The following CAMLG variants were observed in gnomAD, a reference collection of about 807,000 sequenced individuals.
The protein encoded by CAMLG is guided entry of tail-anchored proteins factor CAMLG.
A neutral mutation model predicts 28.9 loss-of-function variants in CAMLG; 23 were observed. The observed-to-expected ratio is 0.80, with a 90% CI of 0.57 to 1.13. The LOEUF is 1.13. Among genes scored for constraint, CAMLG ranks in the 50% most tolerant of loss-of-function variants. The pLI is 0.00. For missense variants in CAMLG, 367 were observed against 371.9 expected, an observed-to-expected ratio of 0.99 and a Z score of 0.11; for synonymous variants, 141 against 146.5, an observed-to-expected ratio of 0.96 and a Z score of 0.27.
intron 3 of CAMLG, among the ~76,000 whole-genome samples, chr5:134,745,281 C>G (rs1053771550): frequency 6.6e-6 from 1 of 150,806 alleles, no homozygotes; most frequent in African/African-American, 2.4e-5. Flanking sequence ...ACTAAAAATA[C>G]AAAAGTTAGC....
At chr5:134,744,547 G>C (rs1038129486) in intron 3 of CAMLG, among the ~76,000 whole-genome samples, 16 of 141,044 alleles carry the variant, frequency 1.1e-4, no homozygotes, top group Admixed American at 1.0e-3. Flanking sequence ...AAAAAAAAAA[G>C]AGTAATTAGA....
intron 1 of CAMLG, 59 bp from the exon 2 acceptor site, chr5:134,741,004 A>G: frequency 1.8e-6 from 2 of 1,123,102 alleles, no homozygotes; most frequent in Non-Finnish European, 2.7e-6. Flanking sequence ...AAACATAAAC[A>G]TGTAAGGTGT....
intron 2 of CAMLG, among the ~76,000 whole-genome samples, chr5:134,742,820 C>G (rs1245019989): frequency 6.6e-6 from 1 of 152,024 alleles, no homozygotes; most frequent in East Asian, 1.9e-4. Flanking sequence ...CTCACTGCAA[C>G]CTCCACCTCC....
In CAMLG at chr5:134,751,452, A is replaced by G. The variant is rs1753112918; in HGVS notation, c.*502A>G. ...TCTTAATTTTTACTCCAGCACAAGT[A>G]TTTAATCAAAGAAAAGATTCATACA... On this transcript the variant is annotated 3_prime_UTR_variant, in exon 4 of 4. Coordinates refer to ENST00000297156, the MANE Select transcript of CAMLG (RefSeq NM_001745.4). 6.6e-6 allele frequency: 1 copy of G among 152,268 alleles called. No individual in the cohort carries two copies. Among genetic ancestry groups the G allele is most frequent in the African/African-American group, 2.4e-5 (1 of 41,464 alleles). The allele number at this position is 152,268 out of a possible 1,614,324, so 9.4% of individuals were successfully genotyped here.
At position 134,741,321 on chromosome 5, in the gene CAMLG, T is replaced by C. The variant is rs1752980869; in HGVS notation, c.431T>C (p.Val144Ala). 1.9e-6 allele frequency: 3 copies of C among 1,614,142 alleles called. No individual in the cohort carries two copies. The African/African-American group carries it at 4.0e-5, about 22-fold the overall frequency. ...RNRGDLTADS[V>A]QRGSRHGLEQ... The stretch of plus-strand genomic sequence containing the variant: ...AGAGGGGACCTGACAGCGGACTCGG[T>C]CCAGAGGGGTTCCCGCCATGGCCTA... The change falls in exon 2 of 4, where the codon GTC (valine) becomes GCC (alanine). Residue 144 changes from valine (V) to alanine (A), a missense_variant. Transcript: ENST00000297156.
At chr5:134,745,296 C>T (rs943243366) in intron 3 of CAMLG, among the ~76,000 whole-genome samples, 5 of 151,756 alleles carry the variant, frequency 3.3e-5, no homozygotes, top group African/African-American at 7.3e-5. Flanking sequence ...GTTAGCCGGG[C>T]GTGGTGGCAG....
At chr5:134,747,011 G>A (rs1017056277) in intron 3 of CAMLG, among the ~76,000 whole-genome samples, 7 of 151,980 alleles carry the variant, frequency 4.6e-5, no homozygotes, top group African/African-American at 7.2e-5. Context: ...TTGCTGACCC[G>A]GTGGCAGAGG....
Position 134,751,031 on chromosome 5 carries a change from T to G in CAMLG, c.*81T>G. The G allele has an allele frequency of 9.9e-7, 1 of 1,011,982 alleles. No homozygotes were observed. Among genetic ancestry groups the G allele is most frequent in the South Asian group, 1.6e-5 (1 of 61,696 alleles). 62.7% of individuals were successfully genotyped at this position (1,011,982 alleles called of 1,614,324 possible). A position where few individuals can be genotyped will look rare whatever the true frequency, so the allele number is the denominator to read the frequency against. On this transcript the variant is annotated 3_prime_UTR_variant, in exon 4 of 4. Transcript: ENST00000297156. ...TTGCAGTGTCTCTAAAGGAGGCAAA[T>G]TGGTTTACACCTTCATGTAATTCTT...
rs1224075388 is a variant in CAMLG, at chr5:134,740,940, T to G, written c.173-123T>G. The stretch of plus-strand genomic sequence containing the variant: ...GCTTTTCTTTAATGCAGAATCGGTA[T>G]TTATTTATTTTGATGCAGAGGCTGC... On this transcript the variant is annotated intron_variant, in intron 1 of 3. Transcript: ENST00000297156. The G allele has an allele frequency of 4.9e-5, 33 of 675,154 alleles. No homozygotes were observed. The South Asian group carries it at 5.8e-4, about 12-fold the overall frequency. 41.8% of individuals were successfully genotyped at this position (675,154 alleles called of 1,614,324 possible).
chr5:134,744,712 TAAA>T (rs1753025328), intron 3 of CAMLG, among the ~76,000 whole-genome samples: 1 of 152,180 alleles, frequency 6.6e-6, no homozygotes, highest in Non-Finnish European at 1.5e-5. Context: ...TTGTCTATAA[TAAA>T]GGAAATTAAT....
At chr5:134,746,266 G>T (rs1753048244) in intron 3 of CAMLG, among the ~76,000 whole-genome samples, 2 of 150,500 alleles carry the variant, frequency 1.3e-5, no homozygotes, top group African/African-American at 4.9e-5. Flanking sequence ...AGAATCTATA[G>T]AATCTATACT....
chr5:134,746,398 A>C (rs1162344264), intron 3 of CAMLG, among the ~76,000 whole-genome samples: 1 of 152,202 alleles, frequency 6.6e-6, no homozygotes, highest in African/African-American at 2.4e-5. Context: ...AGATGTATAT[A>C]TGGGTACTAT....
At position 134,744,021 on chromosome 5, in the gene CAMLG, C is replaced by T. The variant is rs777356231; in HGVS notation, c.668C>T (p.Ala223Val). Residue 223 changes from alanine to valine, a missense_variant, in exon 3 of 4, where the codon GCG (alanine) becomes GTG (valine). Physicochemically the swap from Ala to Val is moderately conservative, Grantham distance 64. Transcript: ENST00000297156. ...GCTCCATTTCTTACTTTACAACTTG[C>T]GTACATGGGATTATACAAATATTTT... The part of the protein sequence containing the change: ...IFAPFLTLQL[A>V]YMGLYKYFPK... 7.6e-6 allele frequency: 11 copies of T among 1,443,254 alleles called. No homozygotes were observed. Among genetic ancestry groups the T allele is most frequent in the African/African-American group, 4.2e-5 (3 of 71,558 alleles). 89.4% of individuals were successfully genotyped at this position (1,443,254 alleles called of 1,614,324 possible).
At chr5:134,743,880 C>T (rs1753014173) in intron 2 of CAMLG, 107 bp from the exon 3 acceptor site, 2 of 614,756 alleles carry the variant, frequency 3.3e-6, no homozygotes, top group South Asian at 3.9e-5. Context: ...ATAATAATAA[C>T]AACATTTTCT....
rs1159580411 is a variant in CAMLG at position 134,738,734 on chromosome 5, G to T, written c.114G>T (p.Met38Ile). 1.9e-6 allele frequency: 3 copies of T among 1,614,016 alleles called. No individual in the cohort carries two copies. The highest frequency in any genetic ancestry group is 2.5e-6 in the Non-Finnish European group (3 of 1,180,000). Residue 38 changes from methionine to isoleucine, a missense_variant, in exon 1 of 4, where the codon ATG (methionine) becomes ATT (isoleucine). By Grantham distance (10) the Met-to-Ile change is conservative. Transcript: ENST00000297156. ...AGCTGCGTCGGAGAAAGCTGCTCAT[G>T]AACTCGGAACAGCGCATCAACCGGA... is the stretch of plus-strand genomic sequence containing the variant. The part of the protein sequence containing the change: ...RAELRRRKLL[M>I]NSEQRINRIM...
intron 1 of CAMLG, among the ~76,000 whole-genome samples, chr5:134,740,584 G>T (rs1020130090): frequency 1.3e-5 from 2 of 152,128 alleles, no homozygotes; most frequent in African/African-American, 4.8e-5. Context: ...TGTAGAGGAA[G>T]AATCCAGCTT....
intron 3 of CAMLG, among the ~76,000 whole-genome samples, chr5:134,747,677 C>G (rs987385647): frequency 2.0e-5 from 3 of 148,752 alleles, no homozygotes; most frequent in African/African-American, 7.4e-5. Flanking sequence ...GAGTCTCGCT[C>G]TGTCACCAGG....
chr5:134,748,117 C>T (rs1417109482), intron 3 of CAMLG, among the ~76,000 whole-genome samples: 1 of 152,110 alleles, frequency 6.6e-6, no homozygotes, highest in Non-Finnish European at 1.5e-5. Context: ...CCACCTCGGC[C>T]TCCTAAAGTG....
Position 134,738,748 on chromosome 5 carries a change from G to T in CAMLG, c.128G>T (p.Arg43Leu). ...AAGCTGCTCATGAACTCGGAACAGC[G>T]CATCAACCGGATCATGGGCTTTCAC... ...RRKLLMNSEQ[R>L]INRIMGFHRP... The change falls in exon 1 of 4, where the codon CGC becomes CTC. Residue 43 changes from arginine (R) to leucine (L), a missense_variant. Physicochemically the swap from Arg to Leu is moderately radical, Grantham distance 102. Transcript: ENST00000297156. 2 of 1,614,104 alleles carry T rather than the reference G, an allele frequency of 1.2e-6. No individual in the cohort carries two copies. Among genetic ancestry groups the T allele is most frequent in the Non-Finnish European group, 1.7e-6 (2 of 1,179,986 alleles).
Sources: allele counts gnomAD v4.1 joint callset (sites outside exome capture counted in the v4.1 genomes callset), GRCh38; gene constraint gnomAD v4.1.1; transcripts MANE v1.5; gene names NCBI Gene and HGNC (gene_info 2026-07-23, HGNC 2026-07-21).